The following NRG4 variants were observed in gnomAD, a reference collection of about 807,000 sequenced individuals.
NRG4 encodes neuregulin 4, also known as pro-neuregulin-4, membrane-bound isoform.
In NRG4, 10 loss-of-function variants were observed where a neutral mutation model predicts 15.0. The ratio of observed to expected loss-of-function variants is 0.67; its 90% CI spans 0.41 to 1.13. NRG4 has a LOEUF of 1.13. Ranked by LOEUF, NRG4 falls within the 50% of genes most tolerant of loss-of-function variation. The pLI, the probability that NRG4 is intolerant of heterozygous loss-of-function variation, is 0.00. For synonymous variants in NRG4, 41 were observed against 50.1 expected (o/e 0.82, Z 0.77); for missense variants, 139 against 140.2 (o/e 0.99, Z 0.04).
At chr15:75,975,759 G>A (rs568190818) in intron 3 of NRG4, among the ~76,000 whole-genome samples, 37 of 152,176 alleles carry the variant, frequency 2.4e-4, no homozygotes, top group Middle Eastern at 3.4e-3. Flanking sequence ...TAGGTAACCC[G>A]ACCTTTCTCT....
At chr15:76,020,688 A>G (rs528126329) in intron 5 of NRG4, among the ~76,000 whole-genome samples, 1 of 152,280 alleles carries the variant, frequency 6.6e-6, no homozygotes, top group Admixed American at 6.5e-5. Flanking sequence ...TCTGGGCTGC[A>G]TGCGGCCCAC....
intron 3 of NRG4, among the ~76,000 whole-genome samples, chr15:75,996,327 AC>A (rs1036746623): frequency 6.6e-6 from 1 of 152,172 alleles, no homozygotes; most frequent in Non-Finnish European, 1.5e-5. Flanking sequence ...TTGTGATAAT[AC>A]CATGGTCACA....
intron 3 of NRG4, among the ~76,000 whole-genome samples, chr15:75,963,988 G>A (rs1440790199): frequency 1.3e-5 from 2 of 151,512 alleles, no homozygotes; most frequent in African/African-American, 2.4e-5. Flanking sequence ...TATATATGGT[G>A]GGAAACACAA....
intron 5 of NRG4, chr15:75,950,401 C>A: frequency 4.8e-6 from 1 of 206,984 alleles, no homozygotes. Flanking sequence ...AAAATCAAAA[C>A]CCTCTGAGCA....
Position 76,054,139 on chromosome 15 carries a change from G to A in NRG4, c.-261-1156C>T, listed in dbSNP as rs1440874475. Among the ~76,000 whole-genome samples, 4 of 150,604 alleles carry A rather than the reference G, an allele frequency of 2.7e-5. 1 individual carries two copies. The highest frequency in any genetic ancestry group is 9.9e-5 in the African/African-American group (4 of 40,280). On this transcript the variant is annotated intron_variant, in intron 2 of 8. Transcript: ENST00000563910. Reference sequence around the variant, plus strand: ...GTGTCACACTGTCACCCAGGCTGGAGTGCGGTGGTGCAACCTTGGCTTACT... The same window carrying A: ...GTGTCACACTGTCACCCAGGCTGGAATGCGGTGGTGCAACCTTGGCTTACT...
At chr15:75,954,488 G>A (rs1388850576) in intron 5 of NRG4, among the ~76,000 whole-genome samples, 1 of 149,294 alleles carries the variant, frequency 6.7e-6, no homozygotes, top group Non-Finnish European at 1.5e-5. Flanking sequence ...GGAGTGCAGT[G>A]GCACAATCTT....
chr15:75,986,945 T>G (rs978624876), intron 3 of NRG4, among the ~76,000 whole-genome samples: 1 of 152,196 alleles, frequency 6.6e-6, no homozygotes, highest in Non-Finnish European at 1.5e-5. Flanking sequence ...GAACTATTTA[T>G]TTTTGATATT....
At chr15:75,957,720 T>C (rs1443052218) in intron 4 of NRG4, among the ~76,000 whole-genome samples, 1 of 152,156 alleles carries the variant, frequency 6.6e-6, no homozygotes, top group Admixed American at 6.5e-5. Flanking sequence ...GAATTCCAAC[T>C]AAACATAAGG....
At chr15:76,050,951 G>C (rs1460387054) in intron 4 of NRG4, among the ~76,000 whole-genome samples, 3 of 149,684 alleles carry the variant, frequency 2.0e-5, no homozygotes, top group Non-Finnish European at 4.4e-5. Context: ...GACCACAGGT[G>C]TGTGCCACCA....
chr15:76,013,953 C>T (rs2034896347), upstream of NRG4, among the ~76,000 whole-genome samples: 1 of 152,120 alleles, frequency 6.6e-6, no homozygotes, highest in African/African-American at 2.4e-5. Flanking sequence ...ATTTACACTC[C>T]CACCAATAGT....
At chr15:75,993,366 C>G (rs1396824188) in intron 3 of NRG4, among the ~76,000 whole-genome samples, 4 of 113,342 alleles carry the variant, frequency 3.5e-5, no homozygotes, top group Non-Finnish European at 6.9e-5. Flanking sequence ...CATTTAACAT[C>G]ATTTGACAAG....
At chr15:75,939,877 AC>A (rs1384522449), downstream of NRG4, 6 of 152,118 alleles carry the variant, frequency 3.9e-5, no homozygotes, top group Non-Finnish European at 8.8e-5. Context: ...AGAGGAAACT[AC>A]CTGAACATAA....
At chr15:75,953,488 T>C (rs1595948517) in intron 5 of NRG4, among the ~76,000 whole-genome samples, 2 of 152,254 alleles carry the variant, frequency 1.3e-5, no homozygotes, top group South Asian at 2.1e-4. Flanking sequence ...CAAGATTGAT[T>C]TGCCTATTTT....
chr15:75,991,189 G>T (rs1161674054), intron 3 of NRG4, among the ~76,000 whole-genome samples: 1 of 152,040 alleles, frequency 6.6e-6, no homozygotes, highest in African/African-American at 2.4e-5. Flanking sequence ...AATATTTTAG[G>T]CTTTGCGGGC....
At position 75,954,586 on chromosome 15, in the gene NRG4, G is replaced by GTT. The variant is rs113303003; in HGVS notation, c.331+1344_331+1345dup. 7.9e-3 allele frequency among the ~76,000 whole-genome samples: 1,128 copies of GTT among 142,736 alleles called. 13 individuals are homozygous for GTT. Among genetic ancestry groups the GTT allele is most frequent in the African/African-American group, 0.027 (1,065 of 39,254 alleles). The allele number at this position is 142,736 out of a possible 152,430, so 93.6% of individuals were successfully genotyped here. On this transcript the variant is annotated intron_variant, in intron 5 of 5. Coordinates refer to ENST00000394907, the MANE Select transcript of NRG4 (RefSeq NM_138573.4). ...CTGGGATTACAGGCACCCACCATTG[G>GTT]TTTTTTTTTTTGTATTTTAGTAGAG...
At chr15:76,016,633 G>A (rs556032601), upstream of NRG4, among the ~76,000 whole-genome samples, 1 of 152,284 alleles carries the variant, frequency 6.6e-6, no homozygotes, top group South Asian at 2.1e-4. Context: ...CAGTTTCCAT[G>A]TACTTGTGCA....
chr15:76,055,109 A>G (rs982275074), intron 2 of NRG4, among the ~76,000 whole-genome samples: 29 of 152,216 alleles, frequency 1.9e-4, no homozygotes, highest in African/African-American at 6.7e-4. Flanking sequence ...GTGAAACCCC[A>G]ACTCTACTGA....
At chr15:75,943,882 T>C (rs933750163) in intron 5 of NRG4, among the ~76,000 whole-genome samples, 1 of 151,992 alleles carries the variant, frequency 6.6e-6, no homozygotes, top group Non-Finnish European at 1.5e-5. Flanking sequence ...GTCTCACATA[T>C]AAAGTTCCCT....
chr15:76,002,624 G>T (rs1403325546), intron 3 of NRG4, among the ~76,000 whole-genome samples: 1 of 151,990 alleles, frequency 6.6e-6, no homozygotes, highest in South Asian at 2.1e-4. Context: ...GATACAGATA[G>T]GTTAAAAGAG....
Sources: allele counts gnomAD v4.1 joint callset (sites outside exome capture counted in the v4.1 genomes callset), GRCh38; gene constraint gnomAD v4.1.1; transcripts MANE v1.5; gene names NCBI Gene and HGNC (gene_info 2026-07-23, HGNC 2026-07-21).